Variants in NUBPL observed in about 807,000 individuals in gnomAD.
NUBPL encodes iron-sulfur cluster transfer protein NUBPL.
In NUBPL, 31 loss-of-function variants were observed where a neutral mutation model predicts 45.7. The observed-to-expected ratio is 0.68, with a 90% CI of 0.51 to 0.92. The LOEUF (loss-of-function observed/expected upper bound fraction) is 0.92, where lower values mean the gene tolerates loss of function less well. Among genes scored for constraint, NUBPL ranks in the 40% least tolerant of loss-of-function variants. The pLI is 0.00. For synonymous variants in NUBPL, 144 were observed against 140.9 expected, an observed-to-expected ratio of 1.02 and a Z score of -0.15; for missense variants, 401 against 398.7, an observed-to-expected ratio of 1.01 and a Z score of -0.05.
chr14:31,708,723 C>G (rs547941415), intron 6 of NUBPL, among the ~76,000 whole-genome samples: 2 of 152,236 alleles, frequency 1.3e-5, no homozygotes, highest in East Asian at 1.9e-4. Context: ...GTTAAAGGTA[C>G]CTGGGGCTGA....
At chr14:31,561,743 G>A in intron 1 of NUBPL, 196 bp downstream of exon 1, 1 of 572,310 alleles carries the variant, frequency 1.7e-6, no homozygotes, top group Non-Finnish European at 3.0e-6. Flanking sequence ...CGTAGATGTG[G>A]TATTCTACAT....
chr14:31,577,744 C>G (rs2033753087), intron 3 of NUBPL, among the ~76,000 whole-genome samples: 1 of 152,156 alleles, frequency 6.6e-6, no homozygotes. Context: ...TGGATTCTGC[C>G]TAATTTTGCA....
intron 7 of NUBPL, among the ~76,000 whole-genome samples, chr14:31,806,656 C>T (rs1268506086): frequency 6.6e-6 from 1 of 152,034 alleles, no homozygotes; most frequent in Non-Finnish European, 1.5e-5. Flanking sequence ...TTCTAGGGTA[C>T]ATGTGCACAA....
chr14:31,771,697 A>C (rs1182005435), intron 6 of NUBPL: 2 of 158,894 alleles, frequency 1.3e-5, no homozygotes, highest in South Asian at 2.0e-4. Flanking sequence ...GCTGATTTAC[A>C]GTGTTGTACA....
At chr14:31,619,988 C>G (rs1185284930) in intron 4 of NUBPL, among the ~76,000 whole-genome samples, 1 of 151,858 alleles carries the variant, frequency 6.6e-6, no homozygotes, top group Non-Finnish European at 1.5e-5. Context: ...CTTCTTTTAA[C>G]TCTTTTTTCA....
At chr14:31,637,667 C>T (rs1044093921) in intron 4 of NUBPL, among the ~76,000 whole-genome samples, 1 of 152,176 alleles carries the variant, frequency 6.6e-6, no homozygotes, top group African/African-American at 2.4e-5. Flanking sequence ...TCTCATTGAT[C>T]TGTCTAATGT....
At chr14:31,596,862 A>G (rs1362543132) in intron 3 of NUBPL, among the ~76,000 whole-genome samples, 2 of 152,326 alleles carry the variant, frequency 1.3e-5, no homozygotes, top group East Asian at 3.9e-4. Context: ...AAAAATGTAA[A>G]TAAAATGCTT....
chr14:31,841,921 T>TGGTTTTTTTTTTTG (rs773326267), intron 8 of NUBPL, among the ~76,000 whole-genome samples: 5 of 98,800 alleles, frequency 5.1e-5, no homozygotes, highest in African/African-American at 1.6e-4. Flanking sequence ...TCTGGGCTTT[T>TGGTTTTTTTTTTTG]TTTTTTTTTT....
At chr14:31,686,059 AAG>A (rs1236476571) in intron 6 of NUBPL, among the ~76,000 whole-genome samples, 2 of 152,210 alleles carry the variant, frequency 1.3e-5, no homozygotes, top group Non-Finnish European at 2.9e-5. Flanking sequence ...AATTAAAAAA[AAG>A]AGAGATGAGG....
chr14:31,781,943 C>A (rs965471779), intron 6 of NUBPL, among the ~76,000 whole-genome samples: 16 of 152,178 alleles, frequency 1.1e-4, no homozygotes, highest in African/African-American at 3.6e-4. Flanking sequence ...AACTTTCTTA[C>A]GTCTCTCTCC....
intron 7 of NUBPL, among the ~76,000 whole-genome samples, chr14:31,789,601 T>A (rs2039342891): frequency 1.3e-5 from 2 of 152,084 alleles, no homozygotes; most frequent in Admixed American, 1.3e-4. Context: ...AATCTATAAA[T>A]AAAAGATTTC....
At chr14:31,830,785 C>T (rs1259314018) in intron 8 of NUBPL, among the ~76,000 whole-genome samples, 1 of 152,106 alleles carries the variant, frequency 6.6e-6, no homozygotes, top group African/African-American at 2.4e-5. Flanking sequence ...GATGTAATGC[C>T]ATCCACATCT....
intron 3 of NUBPL, among the ~76,000 whole-genome samples, chr14:31,572,058 C>T (rs2033599170): frequency 8.1e-6 from 1 of 122,728 alleles, no homozygotes; most frequent in African/African-American, 2.5e-5. Context: ...AAGTAAATGG[C>T]AGAGCTAAGG....
intron 4 of NUBPL, among the ~76,000 whole-genome samples, chr14:31,612,131 C>A (rs1422177125): frequency 6.6e-6 from 1 of 152,146 alleles, no homozygotes; most frequent in Admixed American, 6.5e-5. Flanking sequence ...TAAAGAACAA[C>A]CCACAGAATG....
intron 6 of NUBPL, among the ~76,000 whole-genome samples, chr14:31,699,473 T>C (rs2037285994): frequency 6.6e-6 from 1 of 152,212 alleles, no homozygotes; most frequent in Non-Finnish European, 1.5e-5. Context: ...TTACAAATGA[T>C]GAAACTGAGG....
intron 6 of NUBPL, among the ~76,000 whole-genome samples, chr14:31,695,405 C>G (rs964259594): frequency 1.4e-5 from 2 of 145,458 alleles, no homozygotes; most frequent in Non-Finnish European, 1.5e-5. Flanking sequence ...ATTACTGCAA[C>G]TTTTTAGATT....
chr14:31,696,170 C>G (rs1433638653), intron 6 of NUBPL, among the ~76,000 whole-genome samples: 1 of 152,156 alleles, frequency 6.6e-6, no homozygotes, highest in Non-Finnish European at 1.5e-5. Flanking sequence ...ACCCAACACC[C>G]AGGGAAGATC....
Position 31,785,519 on chromosome 14 carries a change from T to C in NUBPL, c.514-2261T>C, listed in dbSNP as rs140669413. Among the ~76,000 whole-genome samples, 1,370 of 152,322 alleles carry C rather than the reference T, an allele frequency of 9.0e-3. 23 individuals are homozygous for C. The highest frequency in any genetic ancestry group is 0.031 in the African/African-American group (1,292 of 41,580). On this transcript the variant is annotated intron_variant, in intron 6 of 10. Coordinates refer to ENST00000281081, the MANE Select transcript of NUBPL (RefSeq NM_025152.3). ...TAAATCGCTTGAATCATCCTGAAAC[T>C]GTCCCCTGCTCCCATCCATGGAAAA...
chr14:31,762,093 T>C (rs2038823343), intron 6 of NUBPL, among the ~76,000 whole-genome samples: 1 of 152,196 alleles, frequency 6.6e-6, no homozygotes, highest in Non-Finnish European at 1.5e-5. Context: ...ATAGCTAGGT[T>C]TTTGGGAAAA....
Sources: allele counts gnomAD v4.1 joint callset (sites outside exome capture counted in the v4.1 genomes callset), GRCh38; gene constraint gnomAD v4.1.1; transcripts MANE v1.5; gene names NCBI Gene and HGNC (gene_info 2026-07-23, HGNC 2026-07-21).